Variants in R3HDM1 observed in about 807,000 individuals in gnomAD.
R3HDM1 encodes R3H domain-containing protein 1.
In R3HDM1, 46 loss-of-function variants were observed where a neutral mutation model predicts 141.1. That is an observed-to-expected ratio of 0.33 (90% CI 0.26 to 0.42). R3HDM1 has a LOEUF of 0.42. Among genes scored for constraint, R3HDM1 ranks in the 10% least tolerant of loss-of-function variants. The probability of loss-of-function intolerance (pLI) is 1.00; values close to 1 mark genes in which losing one functional copy is unlikely to be tolerated. For synonymous variants in R3HDM1, 435 were observed against 472.9 expected (o/e 0.92, Z 1.04); for missense variants, 1,184 against 1,368.3 (o/e 0.87, Z 2.12).
chr2:135,603,813 C>T (rs907180760), intron 2 of R3HDM1, among the ~76,000 whole-genome samples: 3 of 152,154 alleles, frequency 2.0e-5, no homozygotes, highest in African/African-American at 7.2e-5. Context: ...TGTCACGTTG[C>T]CCAGGCTTGT....
chr2:135,557,781 C>T (rs1701062920), intron 1 of R3HDM1, among the ~76,000 whole-genome samples: 1 of 152,168 alleles, frequency 6.6e-6, no homozygotes, highest in Admixed American at 6.5e-5. Flanking sequence ...TGGAACTTAA[C>T]TGCCAGGCAA....
rs541423067 is a variant in R3HDM1 at position 135,723,778 on chromosome 2, C to CAAAAAAAA, written c.3050-139_3050-132dup. Among the ~76,000 whole-genome samples the CAAAAAAAA allele has an allele frequency of 1.7e-3, 95 of 55,308 alleles. 3 individuals are homozygous for CAAAAAAAA. Among genetic ancestry groups the CAAAAAAAA allele is most frequent in the African/African-American group, 6.2e-3 (90 of 14,510 alleles). The allele number at this position is 55,308 out of a possible 152,430, so 36.3% of individuals were successfully genotyped here. ...GGAGACAGAGTCAGACTCCATCTCC[C>CAAAAAAAA]AAAAAAAAAAAAAAAAAAAAAAAAA... On this transcript the variant is annotated intron_variant, in intron 26 of 26. Coordinates refer to ENST00000683871, the MANE Select transcript of R3HDM1 (RefSeq NM_001378107.1).
At chr2:135,552,585 A>G (rs1186003272) in intron 1 of R3HDM1, among the ~76,000 whole-genome samples, 6 of 152,176 alleles carry the variant, frequency 3.9e-5, no homozygotes, top group Non-Finnish European at 5.9e-5. Flanking sequence ...GAGAGTGACA[A>G]TCTGATAGTT....
chr2:135,537,691 C>G (rs1165773031), intron 1 of R3HDM1, among the ~76,000 whole-genome samples: 3 of 147,308 alleles, frequency 2.0e-5, no homozygotes, highest in Non-Finnish European at 4.5e-5. Flanking sequence ...GAGTCTCACT[C>G]TGTCGCCCAG....
In R3HDM1 at chr2:135,724,070, T is replaced by A. The variant is rs2076967456; in HGVS notation, c.3183T>A (p.Arg1061=). The A allele has an allele frequency of 6.2e-7, 1 of 1,614,026 alleles. No individual in the cohort carries two copies. Among genetic ancestry groups the A allele is most frequent in the South Asian group, 1.1e-5 (1 of 91,084 alleles). The change falls in exon 27 of 27, where the codon CGT becomes CGA. Residue 1061 remains arginine (R), a synonymous_variant. Transcript: ENST00000683871. ...RWLRDPQSQP[R]RHPLCCGSGD... ...TCCGGGACCCCCAGTCCCAACCACG[T>A]CGTCACCCCCTCTGCTGTGGCAGTG...
At chr2:135,622,819 G>A in intron 7 of R3HDM1, 87 bp downstream of exon 7, 1 of 1,393,560 alleles carries the variant, frequency 7.2e-7, no homozygotes, top group Non-Finnish European at 9.4e-7. Context: ...TAGAGTAATA[G>A]AATAAGATTG....
In R3HDM1 at chr2:135,573,580, G is replaced by A. The variant is rs143193629; in HGVS notation, c.-249-28920G>A. 4.6e-3 allele frequency among the ~76,000 whole-genome samples: 698 copies of A among 151,822 alleles called. 3 individuals carry two copies. Among genetic ancestry groups the A allele is most frequent in the Non-Finnish European group, 7.3e-3 (494 of 67,954 alleles). ...AATAGAATAAGAGTAGGGATTATAA[G>A]GGAGGGACTTAAAAATACATACAAT... On this transcript the variant is annotated intron_variant, in intron 1 of 26. Transcript: ENST00000683871.
chr2:135,599,856 A>G (rs2059477879), intron 1 of R3HDM1, among the ~76,000 whole-genome samples: 2 of 151,938 alleles, frequency 1.3e-5, no homozygotes, highest in Admixed American at 1.3e-4. Context: ...AAATAGCAAG[A>G]CCCCGTCTCT....
At chr2:135,581,943 T>G (rs1393262366) in intron 1 of R3HDM1, among the ~76,000 whole-genome samples, 1 of 152,244 alleles carries the variant, frequency 6.6e-6, no homozygotes, top group African/African-American at 2.4e-5. Flanking sequence ...TCTTGGTGAA[T>G]TGATTTTTCC....
intron 1 of R3HDM1, among the ~76,000 whole-genome samples, chr2:135,551,225 A>G (rs1699787268): frequency 6.6e-6 from 1 of 152,228 alleles, no homozygotes; most frequent in Admixed American, 6.5e-5. Flanking sequence ...TAGGAGATGC[A>G]GGCAAACTGA....
At chr2:135,649,466 C>G (rs1042315903) in intron 16 of R3HDM1, 11 of 152,124 alleles carry the variant, frequency 7.2e-5, no homozygotes, top group African/African-American at 2.7e-4. Flanking sequence ...TTATTACTGT[C>G]TGATAGTAAG....
chr2:135,580,518 T>A (rs1469465941), intron 1 of R3HDM1, among the ~76,000 whole-genome samples: 1 of 152,194 alleles, frequency 6.6e-6, no homozygotes, highest in Non-Finnish European at 1.5e-5. Context: ...CTTTGCTTGT[T>A]CTCTTAATAT....
intron 20 of R3HDM1, among the ~76,000 whole-genome samples, chr2:135,677,210 G>C (rs537030643): frequency 6.6e-6 from 1 of 152,196 alleles, no homozygotes; most frequent in African/African-American, 2.4e-5. Flanking sequence ...AGCACCAAGT[G>C]TATGTCCACT....
Position 135,604,983 on chromosome 2 carries a change from T to C in R3HDM1, c.138T>C (p.Asn46=), listed in dbSNP as rs1196990932. Residue 46 remains asparagine, a synonymous_variant, in exon 3 of 27, where the codon AAT becomes AAC. Transcript: ENST00000683871. ...ENYGKILVEK[N]EHCIENNIDL... is the part of the protein sequence containing the mutation. ...ATGGGAAGATTTTGGTAGAGAAGAA[T>C]GAACATTGTATTGAGAACAATATAG... 6.2e-7 allele frequency: 1 copy of C among 1,610,534 alleles called. No homozygotes were observed. Among genetic ancestry groups the C allele is most frequent in the Non-Finnish European group, 8.5e-7 (1 of 1,177,344 alleles).
intron 15 of R3HDM1, 22 bp from the exon 16 acceptor site, chr2:135,645,357 T>A (rs758718891): frequency 6.4e-7 from 1 of 1,569,878 alleles, no homozygotes; most frequent in East Asian, 2.3e-5. Context: ...GTTATTTTTT[T>A]CCCTCTTTTT....
intron 24 of R3HDM1, 142 bp from the exon 25 acceptor site, chr2:135,721,782 T>G: frequency 1.8e-6 from 1 of 542,954 alleles, no homozygotes; most frequent in Non-Finnish European, 3.4e-6. Context: ...GAGATGGGGT[T>G]TCACCATGTT....
intron 1 of R3HDM1, among the ~76,000 whole-genome samples, chr2:135,535,664 G>A (rs1017474624): frequency 6.0e-5 from 9 of 151,186 alleles, no homozygotes; most frequent in African/African-American, 1.2e-4. Flanking sequence ...TTAGTAATAC[G>A]GACATGTGCA....
intron 1 of R3HDM1, among the ~76,000 whole-genome samples, chr2:135,582,509 TG>T (rs1302486502): frequency 5.9e-5 from 9 of 152,160 alleles, no homozygotes; most frequent in Admixed American, 5.9e-4. Flanking sequence ...GGTCGTTTTG[TG>T]TCCCTGGGCT....
intron 21 of R3HDM1, among the ~76,000 whole-genome samples, chr2:135,682,573 G>C (rs1048005891): frequency 4.6e-5 from 7 of 152,166 alleles, no homozygotes; most frequent in African/African-American, 1.7e-4. Flanking sequence ...CTTGGTTTTA[G>C]TCCCTGGGCA....
Sources: allele counts gnomAD v4.1 joint callset (sites outside exome capture counted in the v4.1 genomes callset), GRCh38; gene constraint gnomAD v4.1.1; transcripts MANE v1.5; gene names NCBI Gene and HGNC (gene_info 2026-07-23, HGNC 2026-07-21).